PLXNB1: variants seen among roughly 807,000 people sequenced by gnomAD.
PLXNB1 encodes plexin-B1.
PLXNB1 carries 106 observed loss-of-function variants against 209.4 expected under a neutral mutation model. That is an observed-to-expected ratio of 0.51 (90% confidence interval 0.43 to 0.59). The LOEUF is 0.59. Among genes scored for constraint, PLXNB1 ranks in the 20% least tolerant of loss-of-function variants. PLXNB1 has a pLI of 0.00. For missense variants in PLXNB1, 2,357 were observed against 2,853.2 expected, an observed-to-expected ratio of 0.83 and a Z score of 3.96; for synonymous variants, 1,167 against 1,183.2, an observed-to-expected ratio of 0.99 and a Z score of 0.28.
chr3:48,414,951 C>A lies in PLXNB1; in HGVS notation c.4057G>T (p.Val1353Leu), dbSNP rs1188062561. 6.2e-7 allele frequency: 1 copy of A among 1,613,822 alleles called. No individual in the cohort carries two copies. Among genetic ancestry groups the A allele is most frequent in the Non-Finnish European group, 8.5e-7 (1 of 1,180,050 alleles). ...ACCAGGTTGTCAAGGATAAATTCCA[C>A]CCGGACCCAGGGGTCCTCAGGCAGG... ...PGLPEDPWVRVEFILDNLVFD... is the reference protein window; with the variant it reads ...PGLPEDPWVRLEFILDNLVFD... Residue 1353 changes from valine (V) to leucine (L), a missense_variant, in exon 21 of 38, where the codon GTG becomes TTG. Coordinates refer to ENST00000296440, the MANE Select transcript of PLXNB1 (RefSeq NM_001130082.3).
rs2038016361 is a variant in PLXNB1, at chr3:48,415,396, G to T, written c.3795-49C>A. 3 of 1,579,708 alleles carry T rather than the reference G, an allele frequency of 1.9e-6. No homozygotes were observed. Among genetic ancestry groups the T allele is most frequent in the Non-Finnish European group, 2.6e-6 (3 of 1,156,534 alleles). ...TAACGTAAGATGGCTTATGTTACCT[G>T]GACCTAAAGCACAGCCCAGTCCCGG... On this transcript the variant is annotated intron_variant, in intron 19 of 37. Coordinates refer to ENST00000296440, the MANE Select transcript of PLXNB1 (RefSeq NM_001130082.3). This position sits in a 1 kb window ranked among gnomAD's most constrained non-coding sequence, Gnocchi z 5.0.
At chr3:48,425,056 C>A (rs929126045) in intron 2 of PLXNB1, among the ~76,000 whole-genome samples, 4 of 152,194 alleles carry the variant, frequency 2.6e-5, no homozygotes, top group Admixed American at 2.6e-4. Flanking sequence ...AGAGGGAGGT[C>A]TCCTGAACCA....
In PLXNB1 at chr3:48,410,504, G is replaced by A. The variant is rs928007164; in HGVS notation, c.5471C>T (p.Ser1824Phe). The A allele has an allele frequency of 1.2e-6, 2 of 1,613,948 alleles. No individual in the cohort carries two copies. The highest frequency in any genetic ancestry group is 1.7e-6 in the Non-Finnish European group (2 of 1,180,010). Residue 1824 changes from serine to phenylalanine, a missense_variant, in exon 30 of 38, where the codon TCT (serine) becomes TTT (phenylalanine). By Grantham distance (155) the Ser-to-Phe change is radical. Coordinates refer to ENST00000296440, the MANE Select transcript of PLXNB1 (RefSeq NM_001130082.3). This position sits in a 1 kb window ranked among gnomAD's most constrained non-coding sequence, Gnocchi z 6.4. Reference protein sequence around the residue: ...HLILSDEDVTSEVQGLWRRLN... With the variant: ...HLILSDEDVTFEVQGLWRRLN... The stretch of plus-strand genomic sequence containing the variant: ...GCGCCTCCACAGACCCTGGACCTCA[G>A]AAGTGACATCCTCGTCAGAAAGAAT...
intron 4 of PLXNB1, 51 bp from the exon 5 acceptor site, chr3:48,422,510 C>T: frequency 6.6e-7 from 1 of 1,512,112 alleles, no homozygotes; most frequent in South Asian, 1.3e-5. Flanking sequence ...GCCAGAGGCC[C>T]AAAGCCCTCC....
chr3:48,416,459 C>T lies in PLXNB1; in HGVS notation c.3375-8G>A. 1.9e-6 allele frequency: 3 copies of T among 1,605,454 alleles called. No homozygotes were observed. The highest frequency in any genetic ancestry group is 2.6e-6 in the Non-Finnish European group (3 of 1,174,156). ...CCGGTGATGCACACGAGGCTGTAGG[C>T]ACAGGGCAGGCTAGGGGGTGCCAGG... is the stretch of plus-strand genomic sequence containing the variant. On this transcript the variant is annotated splice_region_variant and splice_polypyrimidine_tract_variant and intron_variant, in intron 16 of 37. Transcript: ENST00000296440. This position sits in a 1 kb window ranked among gnomAD's most constrained non-coding sequence, Gnocchi z 4.1.
rs745313142 is a variant in PLXNB1 at position 48,414,954 on chromosome 3, G to A, written c.4054C>T (p.Arg1352Trp). ...AGGTTGTCAAGGATAAATTCCACCC[G>A]GACCCAGGGGTCCTCAGGCAGGCCT... ...LPGLPEDPWV[R>W]VEFILDNLVF... The change falls in exon 21 of 38, where the codon CGG becomes TGG. Residue 1352 changes from arginine (R) to tryptophan (W), a missense_variant. Physicochemically the swap from Arg to Trp is moderately radical, Grantham distance 101. Coordinates refer to ENST00000296440, the MANE Select transcript of PLXNB1 (RefSeq NM_001130082.3). 23 of 1,613,864 alleles carry A rather than the reference G, an allele frequency of 1.4e-5. 2 individuals carry two copies. The highest frequency in any genetic ancestry group is 5.0e-5 in the Admixed American group (3 of 60,028).
chr3:48,427,524 T>G (rs1310372757), intron 1 of PLXNB1, among the ~76,000 whole-genome samples: 2 of 152,074 alleles, frequency 1.3e-5, no homozygotes, highest in Non-Finnish European at 2.9e-5. Flanking sequence ...GGACTTTCCT[T>G]GAGCAGAATT....
chr3:48,405,782 A>G lies in PLXNB1; in HGVS notation c.6245T>C (p.Leu2082Pro). The change falls in exon 37 of 38, where the codon CTC becomes CCC. Residue 2082 changes from leucine (L) to proline (P), a missense_variant. Leu to Pro is a moderately conservative substitution (Grantham distance 98, BLOSUM62 -3). Coordinates refer to ENST00000296440, the MANE Select transcript of PLXNB1 (RefSeq NM_001130082.3). The surrounding 1 kb of genome is among the most constrained non-coding windows in gnomAD (Gnocchi z 5.0). ...AELSWNYSGDLGARVALHELY... is the reference protein window; with the variant it reads ...AELSWNYSGDPGARVALHELY... ...TTCATGCAGGGCCACTCGCGCCCCG[A>G]GGTCTCCGGAGTAGTTCTAGGGAAG... 1 of 1,613,500 alleles carries G rather than the reference A, an allele frequency of 6.2e-7. No homozygotes were observed. Among genetic ancestry groups the G allele is most frequent in the South Asian group, 1.1e-5 (1 of 91,076 alleles).
At position 48,413,252 on chromosome 3, in the gene PLXNB1, G is replaced by C. The variant is rs867209420; in HGVS notation, c.4536-83C>G. ...GCCTGACAATCCCCAGGCACACCCC[G>C]GCCTCATCCAGCACAGTCCAATGCA... is the stretch of plus-strand genomic sequence containing the variant. On this transcript the variant is annotated intron_variant, in intron 23 of 37. Coordinates refer to ENST00000296440, the MANE Select transcript of PLXNB1 (RefSeq NM_001130082.3). This position sits in a 1 kb window ranked among gnomAD's most constrained non-coding sequence, Gnocchi z 5.4. 5.5e-6 allele frequency: 6 copies of C among 1,094,004 alleles called. No individual in the cohort carries two copies. The South Asian group carries it at 7.6e-5, about 14-fold the overall frequency. 67.8% of individuals were successfully genotyped at this position (1,094,004 alleles called of 1,614,324 possible).
chr3:48,409,663 G>T lies in PLXNB1; in HGVS notation c.5847C>A (p.Leu1949=). Residue 1949 remains leucine, a synonymous_variant, in exon 33 of 38, where the codon CTC becomes CTA. Transcript: ENST00000296440. This position sits in a 1 kb window ranked among gnomAD's most constrained non-coding sequence, Gnocchi z 5.8. ...GCAGGTCAAAGAAGTACTTCACAGCGAGCGGCACGGGGCGGCTGGTGCTGA... is the reference window on the plus strand; with the variant it reads ...GCAGGTCAAAGAAGTACTTCACAGCTAGCGGCACGGGGCGGCTGGTGCTGA... ...VILSTSRPVP[L]AVKYFFDLLD... The T allele has an allele frequency of 6.2e-7, 1 of 1,614,032 alleles. No individual in the cohort carries two copies. Among genetic ancestry groups the T allele is most frequent in the East Asian group, 2.2e-5 (1 of 44,886 alleles).
chr3:48,416,728 G>C lies in PLXNB1; in HGVS notation c.3375-277C>G, dbSNP rs2038127757. ...TATCTGTGGCATAAATTTACAAAGG[G>C]GCCCTGTCAGCCTGGTTGTGGGGCG... On this transcript the variant is annotated intron_variant, in intron 16 of 37. Coordinates refer to ENST00000296440, the MANE Select transcript of PLXNB1 (RefSeq NM_001130082.3). This position sits in a 1 kb window ranked among gnomAD's most constrained non-coding sequence, Gnocchi z 4.1. 3.3e-6 allele frequency: 1 copy of C among 303,542 alleles called. No individual in the cohort carries two copies. The highest frequency in any genetic ancestry group is 6.2e-5 in the East Asian group (1 of 16,034). The allele number at this position is 303,542 out of a possible 1,614,324, so 18.8% of individuals were successfully genotyped here.
At chr3:48,420,598 A>G in intron 10 of PLXNB1, 67 bp downstream of exon 10, 3 of 1,280,276 alleles carry the variant, frequency 2.3e-6, no homozygotes, top group Non-Finnish European at 3.4e-6. Flanking sequence ...ACCCCGGGCC[A>G]TGAGAAAAAC....
chr3:48,414,097 C>T (rs375010157), intron 21 of PLXNB1, 26 bp from the exon 22 acceptor site: 33 of 1,610,530 alleles, frequency 2.0e-5, no homozygotes, highest in Non-Finnish European at 2.5e-5. Context: ...ACCGATCAGT[C>T]ACTCAGGACC....
intron 1 of PLXNB1, among the ~76,000 whole-genome samples, chr3:48,426,463 C>T (rs1384952651): frequency 1.3e-5 from 2 of 152,244 alleles, no homozygotes; most frequent in Admixed American, 6.5e-5. Context: ...CACCCAGCTG[C>T]CAAGCTGTCT....
At chr3:48,424,771 G>A (rs1204876892) in intron 2 of PLXNB1, among the ~76,000 whole-genome samples, 154 bp from the exon 3 acceptor site, 1 of 152,190 alleles carries the variant, frequency 6.6e-6, no homozygotes, top group Non-Finnish European at 1.5e-5. Flanking sequence ...TAGGCACTAT[G>A]TCCAGGATGA....
intron 1 of PLXNB1, among the ~76,000 whole-genome samples, chr3:48,428,488 G>A (rs1360385172): frequency 6.6e-6 from 1 of 152,038 alleles, no homozygotes; most frequent in East Asian, 1.9e-4. Flanking sequence ...AGCACCTCCC[G>A]GACCCCCGTG....
chr3:48,406,617 A>C lies in PLXNB1; in HGVS notation c.6228+206T>G. Reference sequence around the variant, plus strand: ...GGTACATGGCAGCTGCCAGGACAAGACCCCTGCTTGCTCTGTGATGAGATG... The same window carrying C: ...GGTACATGGCAGCTGCCAGGACAAGCCCCCTGCTTGCTCTGTGATGAGATG... On this transcript the variant is annotated intron_variant, in intron 36 of 37. Coordinates refer to ENST00000296440, the MANE Select transcript of PLXNB1 (RefSeq NM_001130082.3). The surrounding 1 kb of genome is among the most constrained non-coding windows in gnomAD (Gnocchi z 4.4). The C allele has an allele frequency of 1.4e-6, 2 of 1,401,108 alleles. No individual in the cohort carries two copies. The highest frequency in any genetic ancestry group is 1.9e-6 in the Non-Finnish European group (2 of 1,080,298). The allele number at this position is 1,401,108 out of a possible 1,614,324, so 86.8% of individuals were successfully genotyped here.
chr3:48,420,200 T>C lies in PLXNB1; in HGVS notation c.2086A>G (p.Thr696Ala). 1 of 405,512 alleles carries C rather than the reference T, an allele frequency of 2.5e-6. No individual in the cohort carries two copies. The highest frequency in any genetic ancestry group is 3.9e-6 in the Non-Finnish European group (1 of 253,214). 25.1% of individuals were successfully genotyped at this position (405,512 alleles called of 1,614,324 possible). ...GGGGTGGCCAGGGCTTTGGGGGCTG[T>C]GGGTGGGGAGGGGCTGGGTCCACCT... The part of the protein sequence containing the change: ...ARGGPSPSPP[T>A]APKALATPAP... Residue 696 changes from threonine to alanine, a missense_variant, in exon 11 of 38, where the codon ACA (threonine) becomes GCA (alanine). By Grantham distance (58) the Thr-to-Ala change is moderately conservative. Around this residue, in one of 7 missense-constraint regions of PLXNB1, gnomAD observed 410 missense variants for 401.0 expected, o/e 1.02. Transcript: ENST00000296440.
intron 34 of PLXNB1, among the ~76,000 whole-genome samples, chr3:48,407,945 G>A (rs768362082): frequency 6.6e-5 from 10 of 152,234 alleles, no homozygotes; most frequent in Non-Finnish European, 1.3e-4. Flanking sequence ...TAGGCATGAT[G>A]ACAGCATGTG....
Sources: gnomAD v4.1 joint callset for allele counts (sites outside exome capture counted in the v4.1 genomes callset) on GRCh38, gnomAD v4.1.1 for gene constraint, gnomAD v4.1.1 regional missense constraint, Gnocchi (gnomAD v3.1) non-coding constraint, MANE v1.5 for transcripts, NCBI Gene and HGNC (gene_info 2026-07-23, HGNC 2026-07-21) for gene names.